Variants in DEAF1 observed in about 807,000 individuals in gnomAD.
The protein encoded by DEAF1 is deformed epidermal autoregulatory factor 1 homolog.
In DEAF1, 53 loss-of-function variants were observed where a neutral mutation model predicts 58.9. That is an observed-to-expected ratio of 0.90 (90% CI 0.72 to 1.13). The LOEUF (loss-of-function observed/expected upper bound fraction) is 1.13. DEAF1 is among the 50% of genes most tolerant of loss of function. DEAF1 has a pLI of 0.00. For synonymous variants in DEAF1, 385 were observed against 340.4 expected (o/e 1.13, Z -1.44); for missense variants, 685 against 791.4 (o/e 0.87, Z 1.61).
chr11:697,015 T>TG (rs1354368440), upstream of DEAF1, among the ~76,000 whole-genome samples: 722 of 73,154 alleles, frequency 9.9e-3, 6 homozygotes, highest in African/African-American at 0.034. Context: ...GTGGTGGTGG[T>TG]GGGGGGGGTG....
intron 1 of DEAF1, among the ~76,000 whole-genome samples, chr11:701,651 C>T (rs1402518655): frequency 3.3e-5 from 5 of 152,090 alleles, no homozygotes; most frequent in South Asian, 2.1e-4. Context: ...CCTCCTGATC[C>T]GCCCACCTCG....
chr11:659,578 G>A (rs1859219464), intron 10 of DEAF1, among the ~76,000 whole-genome samples: 1 of 152,202 alleles, frequency 6.6e-6, no homozygotes. Flanking sequence ...CATCACTCCT[G>A]AACCAAATGG....
chr11:701,850 A>G (rs529348374), intron 1 of DEAF1, among the ~76,000 whole-genome samples: 2 of 152,318 alleles, frequency 1.3e-5, no homozygotes, highest in African/African-American at 4.8e-5. Context: ...GTTCTTGTAC[A>G]AGATTCAAGG....
At chr11:645,237 A>G (rs753393421) in intron 11 of DEAF1, among the ~76,000 whole-genome samples, 21 of 152,038 alleles carry the variant, frequency 1.4e-4, no homozygotes, top group Non-Finnish European at 2.9e-4. Flanking sequence ...TTAGGGATGT[A>G]AACAAAAAAT....
At chr11:691,412 C>G (rs1402416620) in intron 2 of DEAF1, 89 bp downstream of exon 2, 1 of 1,215,256 alleles carries the variant, frequency 8.2e-7, no homozygotes, top group African/African-American at 1.5e-5. Flanking sequence ...GTTCACACAG[C>G]GGGCTGAACC....
rs753669832 is a variant in DEAF1, at chr11:678,808, C to A, written c.1141G>T (p.Val381Leu). ...FAGATVQEAS[V>L]QPPCRASHPE... ...TGGCTGGCCCTGCATGGGGGCTGCA[C>A]GCTGGCCTCTTGGACTGTTGGGGAG... Residue 381 changes from valine to leucine, a missense_variant, in exon 9 of 12, where the codon GTG becomes TTG. This residue lies in a region of DEAF1 where 343 missense variants were observed against 379.8 expected (regional missense o/e 0.90). Transcript: ENST00000382409. 6.2e-7 allele frequency: 1 copy of A among 1,613,914 alleles called. No individual in the cohort carries two copies. Among genetic ancestry groups the A allele is most frequent in the African/African-American group, 1.3e-5 (1 of 74,900 alleles).
intron 11 of DEAF1, among the ~76,000 whole-genome samples, chr11:646,897 C>T (rs529467781): frequency 1.3e-5 from 2 of 152,158 alleles, no homozygotes; most frequent in African/African-American, 2.4e-5. Flanking sequence ...ACATCACAGA[C>T]TGTAAAAACA....
intron 10 of DEAF1, among the ~76,000 whole-genome samples, chr11:658,055 G>A (rs1412580453): frequency 1.3e-5 from 2 of 152,166 alleles, no homozygotes; most frequent in African/African-American, 2.4e-5. Flanking sequence ...GCTGCGGAGT[G>A]GCAGAAGGGA....
intron 10 of DEAF1, among the ~76,000 whole-genome samples, chr11:661,511 A>T (rs573749221): frequency 2.0e-5 from 3 of 152,104 alleles, no homozygotes; most frequent in African/African-American, 7.2e-5. Flanking sequence ...GGGGTTCAAC[A>T]CCAGCCTGGC....
Position 684,906 on chromosome 11 carries a change from T to C in DEAF1, c.862A>G (p.Met288Val). 2 of 1,551,444 alleles carry C rather than the reference T, an allele frequency of 1.3e-6. No homozygotes were observed. Among genetic ancestry groups the C allele is most frequent in the East Asian group, 2.4e-5 (1 of 40,910 alleles). Residue 288 changes from methionine to valine, a missense_variant, in exon 6 of 12, where the codon ATG becomes GTG. Physicochemically the swap from Met to Val is conservative, Grantham distance 21. Around this residue, in one of 3 missense-constraint regions of DEAF1, gnomAD observed 343 missense variants for 379.8 expected, o/e 0.90. Coordinates refer to ENST00000382409, the MANE Select transcript of DEAF1 (RefSeq NM_021008.4). ...ACACGCTGGCCACTTACTAAGGTCA[T>C]GTCGTCGCAGCAGGCAGCACAGGTG... is the stretch of plus-strand genomic sequence containing the variant. Reference protein sequence around the residue: ...SCTCAACCDDMTLSGPVRLFV... With the variant: ...SCTCAACCDDVTLSGPVRLFV...
chr11:656,900 A>G (rs1483138935), intron 10 of DEAF1, among the ~76,000 whole-genome samples: 1 of 151,642 alleles, frequency 6.6e-6, no homozygotes, highest in African/African-American at 2.4e-5. Flanking sequence ...ATAACGTTCT[A>G]GGAAGGTTAG....
At chr11:662,796 G>C (rs1479866738) in intron 10 of DEAF1, among the ~76,000 whole-genome samples, 1 of 152,176 alleles carries the variant, frequency 6.6e-6, no homozygotes, top group Non-Finnish European at 1.5e-5. Flanking sequence ...ACCTTTGCTG[G>C]AACGGCTGCA....
intron 11 of DEAF1, among the ~76,000 whole-genome samples, chr11:647,368 T>A (rs1247540585): frequency 6.6e-6 from 1 of 151,182 alleles, no homozygotes; most frequent in Non-Finnish European, 1.5e-5. Context: ...GGCAGGAGAA[T>A]CGCTTGAACC....
intron 9 of DEAF1, among the ~76,000 whole-genome samples, chr11:675,709 A>G (rs1239097503): frequency 6.6e-6 from 1 of 152,106 alleles, no homozygotes; most frequent in Non-Finnish European, 1.5e-5. Context: ...AATCCCAGCT[A>G]CCTGGGAGGC....
chr11:651,729 A>G (rs1317160938), intron 11 of DEAF1, among the ~76,000 whole-genome samples: 2 of 152,194 alleles, frequency 1.3e-5, no homozygotes, highest in South Asian at 2.1e-4. Flanking sequence ...TACTAAAAAT[A>G]CAAAAAATCA....
chr11:649,588 C>A (rs1858667984), intron 11 of DEAF1, among the ~76,000 whole-genome samples: 1 of 151,742 alleles, frequency 6.6e-6, no homozygotes, highest in Non-Finnish European at 1.5e-5. Context: ...GGTCTGATGG[C>A]ACACTCCTGC....
chr11:665,405 G>C (rs1238410030), intron 10 of DEAF1, among the ~76,000 whole-genome samples: 1 of 152,216 alleles, frequency 6.6e-6, no homozygotes, highest in Admixed American at 6.5e-5. Context: ...CACAGCTTTA[G>C]AGAAAGGGAA....
chr11:704,531 C>T, intron 1 of DEAF1: 1 of 1,289,418 alleles, frequency 7.8e-7, no homozygotes. Flanking sequence ...CCAGCGCCTG[C>T]ACTCGCAGAA....
At chr11:687,704 A>G (rs1454538729) in intron 4 of DEAF1, among the ~76,000 whole-genome samples, 2 of 151,968 alleles carry the variant, frequency 1.3e-5, no homozygotes, top group African/African-American at 4.8e-5. Flanking sequence ...TCATCGTGTT[A>G]GCCAGGATAG....
Sources: allele counts gnomAD v4.1 joint callset (sites outside exome capture counted in the v4.1 genomes callset), GRCh38; gene constraint gnomAD v4.1.1; regional missense constraint gnomAD v4.1.1; transcripts MANE v1.5; gene names NCBI Gene and HGNC (gene_info 2026-07-23, HGNC 2026-07-21).